The following LRRC7 variants were observed in gnomAD, a reference collection of about 807,000 sequenced individuals.
LRRC7 encodes leucine rich repeat containing 7.
A neutral mutation model predicts 175.7 loss-of-function variants in LRRC7; 23 were observed. The observed-to-expected ratio is 0.13, with a 90% CI of 0.09 to 0.19. The LOEUF is 0.19. LRRC7 is among the 10% of genes least tolerant of loss of function. The probability of loss-of-function intolerance (pLI) is 1.00; values close to 1 mark genes in which losing one functional copy is unlikely to be tolerated. For synonymous variants in LRRC7, 685 were observed against 680.9 expected, an observed-to-expected ratio of 1.01 and a Z score of -0.09; for missense variants, 1,354 against 1,904.7, an observed-to-expected ratio of 0.71 and a Z score of 5.38.
chr1:69,749,624 A>G (rs1448805990), intron 2 of LRRC7, among the ~76,000 whole-genome samples: 1 of 152,206 alleles, frequency 6.6e-6, no homozygotes, highest in African/African-American at 2.4e-5. Flanking sequence ...TTATAATTAC[A>G]AACAAAAATC....
chr1:69,899,964 G>C (rs1235372663), intron 7 of LRRC7, among the ~76,000 whole-genome samples: 1 of 152,058 alleles, frequency 6.6e-6, no homozygotes, highest in African/African-American at 2.4e-5. Flanking sequence ...TGTTACAGCA[G>C]CACAAACAGA....
At chr1:69,763,420 G>T (rs1671256209) in intron 3 of LRRC7, among the ~76,000 whole-genome samples, 1 of 152,060 alleles carries the variant, frequency 6.6e-6, no homozygotes, top group Non-Finnish European at 1.5e-5. Context: ...CAACTAATTT[G>T]TCTGCAGATC....
At chr1:69,652,064 A>G (rs1655919529) in intron 1 of LRRC7, among the ~76,000 whole-genome samples, 2 of 152,202 alleles carry the variant, frequency 1.3e-5, no homozygotes, top group Non-Finnish European at 2.9e-5. Context: ...GCAACTGGTA[A>G]TAGTCTTGCC....
At position 69,568,658 on chromosome 1, in the gene LRRC7, C is replaced by G. The variant is rs770888731; in HGVS notation, c.2+17C>G. ...GCCGGCGATGTGAGTAAGGCACGCT[C>G]GCTCCGTGGCGGAGGGTGCTGCGGG... On this transcript the variant is annotated intron_variant, in intron 1 of 26. Transcript: ENST00000651989. The G allele has an allele frequency of 7.5e-7, 1 of 1,336,376 alleles. No homozygotes were observed. Among genetic ancestry groups the G allele is most frequent in the Non-Finnish European group, 9.9e-7 (1 of 1,010,462 alleles). 82.8% of individuals were successfully genotyped at this position (1,336,376 alleles called of 1,614,324 possible).
chr1:70,035,930 T>G (rs2102017531), intron 18 of LRRC7, among the ~76,000 whole-genome samples, 191 bp from the exon 19 acceptor site: 1 of 148,006 alleles, frequency 6.8e-6, no homozygotes, highest in African/African-American at 2.5e-5. Context: ...ATAAATGGAC[T>G]CACTTACATT....
intron 1 of LRRC7, among the ~76,000 whole-genome samples, chr1:69,595,677 C>T (rs1385026931): frequency 6.6e-6 from 1 of 152,166 alleles, no homozygotes; most frequent in Non-Finnish European, 1.5e-5. Flanking sequence ...TTAACTTGTA[C>T]TGACTTCACA....
At chr1:69,762,032 C>T (rs1671094996) in intron 3 of LRRC7, among the ~76,000 whole-genome samples, 1 of 151,832 alleles carries the variant, frequency 6.6e-6, no homozygotes, top group Non-Finnish European at 1.5e-5. Context: ...CAGAAACAGA[C>T]AACATTTTTG....
At chr1:69,902,374 A>G (rs1646159410) in intron 7 of LRRC7, among the ~76,000 whole-genome samples, 1 of 152,194 alleles carries the variant, frequency 6.6e-6, no homozygotes, top group Non-Finnish European at 1.5e-5. Flanking sequence ...GTTTGAGACC[A>G]GCCTGGGCAA....
chr1:69,957,352 C>T (rs1271230883), intron 8 of LRRC7, among the ~76,000 whole-genome samples: 2 of 151,738 alleles, frequency 1.3e-5, no homozygotes, highest in Non-Finnish European at 2.9e-5. Flanking sequence ...TTCTTACTTC[C>T]ATTGAACAAA....
chr1:69,754,601 T>C (rs1016764345), intron 2 of LRRC7, among the ~76,000 whole-genome samples: 5 of 152,008 alleles, frequency 3.3e-5, no homozygotes, highest in South Asian at 2.1e-4. Flanking sequence ...GTATGTATTC[T>C]AGTATTTTAC....
intron 21 of LRRC7, among the ~76,000 whole-genome samples, chr1:70,043,110 G>T (rs1660053348): frequency 6.6e-6 from 1 of 151,830 alleles, no homozygotes; most frequent in Admixed American, 6.6e-5. Flanking sequence ...TGATAACAGG[G>T]TATCTAAAAT....
At chr1:69,869,609 G>A (rs1430713017) in intron 7 of LRRC7, among the ~76,000 whole-genome samples, 7 of 151,980 alleles carry the variant, frequency 4.6e-5, no homozygotes, top group Non-Finnish European at 5.9e-5. Flanking sequence ...CTCACATACC[G>A]AGTGATAAGA....
intron 2 of LRRC7, among the ~76,000 whole-genome samples, chr1:69,680,308 TA>T (rs1025496183): frequency 6.6e-6 from 1 of 152,156 alleles, no homozygotes; most frequent in African/African-American, 2.4e-5. Context: ...CAGACGATAC[TA>T]AATCGTTATC....
intron 23 of LRRC7, among the ~76,000 whole-genome samples, chr1:70,073,639 CT>C (rs1662554628): frequency 6.6e-6 from 1 of 151,618 alleles, no homozygotes; most frequent in Non-Finnish European, 1.5e-5. Flanking sequence ...CTGGATCCTT[CT>C]AAGTTTGTCT....
At chr1:69,664,460 C>T (rs1394457215) in intron 1 of LRRC7, among the ~76,000 whole-genome samples, 3 of 152,160 alleles carry the variant, frequency 2.0e-5, no homozygotes, top group Admixed American at 2.0e-4. Flanking sequence ...CCACATCTCG[C>T]CAGCATTTGT....
intron 11 of LRRC7, among the ~76,000 whole-genome samples, chr1:69,995,049 TA>T (rs1451855510): frequency 5.9e-5 from 9 of 152,182 alleles, no homozygotes; most frequent in African/African-American, 2.2e-4. Flanking sequence ...ACACTATTAG[TA>T]ACATTTAATA....
chr1:69,764,441 G>C (rs537945986), intron 3 of LRRC7, among the ~76,000 whole-genome samples: 1 of 151,880 alleles, frequency 6.6e-6, no homozygotes, highest in African/African-American at 2.4e-5. Context: ...AGTGAATTTG[G>C]TAGATGAAAT....
intron 24 of LRRC7, among the ~76,000 whole-genome samples, chr1:70,076,581 C>G (rs977933562): frequency 1.3e-5 from 2 of 152,202 alleles, no homozygotes; most frequent in Non-Finnish European, 2.9e-5. Context: ...CCACTCCTAA[C>G]TCCAATTTAG....
Position 69,748,923 on chromosome 1 carries a change from T to C in LRRC7, c.101-11268T>C, listed in dbSNP as rs967946824. 5.8e-4 allele frequency among the ~76,000 whole-genome samples: 88 copies of C among 152,180 alleles called. 3 individuals are homozygous for C. The highest frequency in any genetic ancestry group is 1.3e-4 in the Admixed American group (2 of 15,278). On this transcript the variant is annotated intron_variant, in intron 2 of 26. Coordinates refer to ENST00000651989, the MANE Select transcript of LRRC7 (RefSeq NM_001370785.2). ...TTTTAGGTTATTACCTTATGAAAGT[T>C]AGATCTTTGAGAGTATCCTAATGCT... is the stretch of plus-strand genomic sequence containing the variant.
Sources: allele counts gnomAD v4.1 joint callset (sites outside exome capture counted in the v4.1 genomes callset), GRCh38; gene constraint gnomAD v4.1.1; transcripts MANE v1.5; gene names NCBI Gene and HGNC (gene_info 2026-07-23, HGNC 2026-07-21).